KMT2C: variants seen among roughly 807,000 people sequenced by gnomAD.
The protein encoded by KMT2C is lysine methyltransferase 2C.
KMT2C carries 88 observed loss-of-function variants against 507.9 expected under a neutral mutation model. That is an observed-to-expected ratio of 0.17 (90% confidence interval 0.15 to 0.21). KMT2C has a LOEUF of 0.21. KMT2C is among the 10% of genes least tolerant of loss of function. The pLI, the probability that KMT2C is intolerant of heterozygous loss-of-function variation, is 1.00. For synonymous variants in KMT2C, 2,049 were observed against 2,080.8 expected, an observed-to-expected ratio of 0.98 and a Z score of 0.42; for missense variants, 4,954 against 5,957.8, an observed-to-expected ratio of 0.83 and a Z score of 5.55.
intron 1 of KMT2C, among the ~76,000 whole-genome samples, chr7:152,408,404 T>TA (rs33968931): frequency 0.047 from 7,177 of 151,936 alleles, 107 homozygotes; most frequent in African/African-American, 0.1. Context: ...TTCAATATAT[T>TA]AAAAAAATTA....
intron 3 of KMT2C, among the ~76,000 whole-genome samples, chr7:152,322,232 G>C (rs2096779427): frequency 6.6e-6 from 1 of 151,762 alleles, no homozygotes; most frequent in Non-Finnish European, 1.5e-5. Context: ...GGGTGGTAGT[G>C]AACACCTGTA....
intron 1 of KMT2C, among the ~76,000 whole-genome samples, chr7:152,379,155 A>G (rs2097351018): frequency 6.6e-6 from 1 of 151,944 alleles, no homozygotes; most frequent in Non-Finnish European, 1.5e-5. Flanking sequence ...TTTTTAAATT[A>G]TTATTATTTT....
intron 6 of KMT2C, among the ~76,000 whole-genome samples, chr7:152,274,977 GCTGAGATAA>G (rs1341358002): frequency 6.6e-6 from 1 of 152,152 alleles, no homozygotes; most frequent in Non-Finnish European, 1.5e-5. Flanking sequence ...AAACAGCTTA[GCTGAGATAA>G]CTGGAGCCTC....
chr7:152,408,988 T>A (rs2097652272), intron 1 of KMT2C, among the ~76,000 whole-genome samples: 1 of 151,878 alleles, frequency 6.6e-6, no homozygotes, highest in African/African-American at 2.4e-5. Flanking sequence ...TGGGTGGGTT[T>A]CTCTCTCTTT....
chr7:152,329,132 G>C (rs1056167911), intron 3 of KMT2C, among the ~76,000 whole-genome samples: 1 of 151,982 alleles, frequency 6.6e-6, no homozygotes, highest in East Asian at 1.9e-4. Flanking sequence ...AGTGAACAGA[G>C]ACAAAAAGTA....
At chr7:152,274,253 T>C (rs2096034894) in intron 6 of KMT2C, among the ~76,000 whole-genome samples, 3 of 152,244 alleles carry the variant, frequency 2.0e-5, no homozygotes, top group African/African-American at 7.2e-5. Context: ...AATAGGAACA[T>C]ATATTTTATT....
intron 42 of KMT2C, among the ~76,000 whole-genome samples, chr7:152,166,781 G>A (rs945918155): frequency 1.3e-5 from 2 of 151,772 alleles, no homozygotes; most frequent in Non-Finnish European, 2.9e-5. Flanking sequence ...CAGTTAAGTC[G>A]AATACTCTCA....
chr7:152,261,185 C>T (rs1340817958), intron 9 of KMT2C, among the ~76,000 whole-genome samples: 4 of 152,288 alleles, frequency 2.6e-5, no homozygotes, highest in Admixed American at 6.5e-5. Flanking sequence ...TAACACCCTA[C>T]GTGGCCATAG....
At chr7:152,375,516 G>T (rs2097322475) in intron 1 of KMT2C, among the ~76,000 whole-genome samples, 1 of 150,282 alleles carries the variant, frequency 6.7e-6, no homozygotes, top group Non-Finnish European at 1.5e-5. Context: ...CTCCCAAGTA[G>T]CTGGGATTAC....
chr7:152,202,781 AC>A (rs990506668), intron 26 of KMT2C, among the ~76,000 whole-genome samples, 152 bp downstream of exon 26: 4 of 152,166 alleles, frequency 2.6e-5, no homozygotes, highest in African/African-American at 9.6e-5. Context: ...ATTTTTATGG[AC>A]CCCTGAAAGG....
chr7:152,329,158 G>A (rs896863368), intron 3 of KMT2C, among the ~76,000 whole-genome samples: 16 of 152,068 alleles, frequency 1.1e-4, no homozygotes, highest in African/African-American at 3.9e-4. Flanking sequence ...GATATCTGAG[G>A]ACTTATCCTT....
chr7:152,353,109 A>G (rs982474708), intron 2 of KMT2C, among the ~76,000 whole-genome samples: 18 of 152,220 alleles, frequency 1.2e-4, no homozygotes, highest in Admixed American at 5.2e-4. Flanking sequence ...AGAGACTGGT[A>G]ACAGCCACCA....
At chr7:152,191,643 G>C (rs2093797194) in intron 31 of KMT2C, among the ~76,000 whole-genome samples, 1 of 152,204 alleles carries the variant, frequency 6.6e-6, no homozygotes, top group Non-Finnish European at 1.5e-5. Context: ...AGTGGTGTAA[G>C]GTCTTCAAAG....
At chr7:152,189,025 T>C (rs1217989173) in intron 31 of KMT2C, among the ~76,000 whole-genome samples, 3 of 152,350 alleles carry the variant, frequency 2.0e-5, no homozygotes, top group East Asian at 3.9e-4. Context: ...TTTGGCCTAA[T>C]TTTTATAACT....
At chr7:152,350,928 G>GT (rs1329252340) in intron 2 of KMT2C, among the ~76,000 whole-genome samples, 1 of 152,000 alleles carries the variant, frequency 6.6e-6, no homozygotes, top group African/African-American at 2.4e-5. Context: ...CCCTTATTCT[G>GT]TAAGTTTTTT....
chr7:152,255,116 T>TAC (rs2095628279), intron 9 of KMT2C, among the ~76,000 whole-genome samples: 1 of 95,742 alleles, frequency 1.0e-5, no homozygotes, highest in African/African-American at 8.5e-5. Context: ...CACTTATATA[T>TAC]ATATATATAT....
chr7:152,355,187 A>G (rs111554223), intron 2 of KMT2C, among the ~76,000 whole-genome samples: 6 of 152,328 alleles, frequency 3.9e-5, no homozygotes, highest in South Asian at 2.1e-4. Context: ...AAAATGTGAA[A>G]ATGTGAAATC....
At chr7:152,229,177 C>T (rs1013192463) in intron 18 of KMT2C, among the ~76,000 whole-genome samples, 18 of 152,130 alleles carry the variant, frequency 1.2e-4, no homozygotes, top group Non-Finnish European at 2.2e-4. Flanking sequence ...CATGGTATGG[C>T]AGTACTAGAA....
chr7:152,389,584 G>C (rs1352518399), intron 1 of KMT2C, among the ~76,000 whole-genome samples: 3 of 151,996 alleles, frequency 2.0e-5, no homozygotes, highest in Non-Finnish European at 4.4e-5. Context: ...TGGGACTACA[G>C]GCATGCACCA....
Sources: allele counts gnomAD v4.1 joint callset (sites outside exome capture counted in the v4.1 genomes callset), GRCh38; gene constraint gnomAD v4.1.1; transcripts MANE v1.5; gene names NCBI Gene and HGNC (gene_info 2026-07-23, HGNC 2026-07-21).